SLC5A9: variants seen among roughly 807,000 people sequenced by gnomAD.
SLC5A9 encodes sodium/glucose cotransporter 4.
SLC5A9 carries 59 observed loss-of-function variants against 70.9 expected under a neutral mutation model. The observed-to-expected ratio is 0.83, with a 90% CI of 0.68 to 1.03. The LOEUF (loss-of-function observed/expected upper bound fraction) is 1.03, where lower values mean the gene tolerates loss of function less well. Ranked by LOEUF, SLC5A9 falls within the 50% of genes least tolerant of loss-of-function variation. The pLI, the probability that SLC5A9 is intolerant of heterozygous loss-of-function variation, is 0.00. For missense variants in SLC5A9, 832 were observed against 881.1 expected (o/e 0.94, Z 0.71); for synonymous variants, 340 against 346.5 (o/e 0.98, Z 0.21).
chr1:48,233,577 A>G, intron 8 of SLC5A9, 78 bp from the exon 9 acceptor site: 1 of 1,053,486 alleles, frequency 9.5e-7, no homozygotes, highest in Non-Finnish European at 1.5e-6. Context: ...ATTATCCTGT[A>G]GTTTTGGAAA....
chr1:48,231,781 C>T (rs973443534), intron 6 of SLC5A9, 156 bp downstream of exon 6: 16 of 1,503,942 alleles, frequency 1.1e-5, no homozygotes, highest in Middle Eastern at 1.8e-4. Context: ...GCAGGGTTCT[C>T]GCTACTTCAA....
At chr1:48,237,025 C>G (rs1211890153) in intron 10 of SLC5A9, among the ~76,000 whole-genome samples, 1 of 152,128 alleles carries the variant, frequency 6.6e-6, no homozygotes, top group African/African-American at 2.4e-5. Flanking sequence ...TTTCCTCAAT[C>G]AGTGAGGTTT....
rs1391913645 is a variant in SLC5A9 at position 48,226,836 on chromosome 1, G to C, written c.235-2014G>C. The stretch of plus-strand genomic sequence containing the variant: ...GCCTCACTGCTCCAAGAACTGCCTG[G>C]GGGAGGCTTCTTCCCCTGAAGTAGG... On this transcript the variant is annotated intron_variant, in intron 2 of 13. Transcript: ENST00000438567. 3.3e-5 allele frequency among the ~76,000 whole-genome samples: 5 copies of C among 152,184 alleles called. No individual in the cohort carries two copies. In the South Asian group the frequency reaches 6.2e-4, roughly 19 times the overall value.
At chr1:48,247,001 G>A (rs931218877) in intron 13 of SLC5A9, among the ~76,000 whole-genome samples, 1 of 152,096 alleles carries the variant, frequency 6.6e-6, no homozygotes, top group African/African-American at 2.4e-5. Context: ...CCTTATTCAG[G>A]ACTTGTGCTA....
chr1:48,239,487 A>G lies in SLC5A9; in HGVS notation c.1627A>G (p.Ile543Val), dbSNP rs143280278. 9.5e-5 allele frequency: 153 copies of G among 1,614,184 alleles called. No individual in the cohort carries two copies. The African/African-American group carries it at 2.0e-3, about 21-fold the overall frequency. ...FAILLCGLTA[I>V]VIVIVSLCTT... ...AATCCTCCTCTGCGGGCTCACTGCC[A>G]TCGTCATTGTCATTGTCAGCCTCTG... Residue 543 changes from isoleucine to valine, a missense_variant, in exon 12 of 14, where the codon ATC (isoleucine) becomes GTC (valine). By Grantham distance (29) the Ile-to-Val change is conservative. Coordinates refer to ENST00000438567, the MANE Select transcript of SLC5A9 (RefSeq NM_001011547.3). This position sits in a 1 kb window ranked among gnomAD's most constrained non-coding sequence, Gnocchi z 4.2.
intron 13 of SLC5A9, among the ~76,000 whole-genome samples, chr1:48,244,878 G>GTATGTA (rs1553132215): frequency 6.8e-5 from 2 of 29,418 alleles, no homozygotes; most frequent in African/African-American, 1.7e-4. Flanking sequence ...ATGTGTATGT[G>GTATGTA]TATATATATA....
At chr1:48,230,757 GA>G in intron 5 of SLC5A9, 52 bp downstream of exon 5, 1 of 1,377,738 alleles carries the variant, frequency 7.3e-7, no homozygotes, top group African/African-American at 1.4e-5. Flanking sequence ...CAGAGACCCA[GA>G]GAGAAAGACT....
At chr1:48,244,946 A>G (rs1358604640) in intron 13 of SLC5A9, among the ~76,000 whole-genome samples, 1 of 126,364 alleles carries the variant, frequency 7.9e-6, no homozygotes, top group African/African-American at 2.9e-5. Context: ...AGGGAATCAA[A>G]AGACAGAATA....
Position 48,232,490 on chromosome 1 carries a change from G to T in SLC5A9, c.1021G>T (p.Ala341Ser). ...CGTCATGCCTGGCATGATCAGCCGG[G>T]CCCTGTTCCCAGGTAAGAACGAGCC... ...FIVMPGMISR[A>S]LFPDEVGCVD... is the part of the protein sequence containing the mutation. The change falls in exon 8 of 14, where the codon GCC becomes TCC. Residue 341 changes from alanine (A) to serine (S), a missense_variant. Coordinates refer to ENST00000438567, the MANE Select transcript of SLC5A9 (RefSeq NM_001011547.3). 1 of 1,614,178 alleles carries T rather than the reference G, an allele frequency of 6.2e-7. No individual in the cohort carries two copies. The highest frequency in any genetic ancestry group is 8.5e-7 in the Non-Finnish European group (1 of 1,180,038).
intron 4 of SLC5A9, among the ~76,000 whole-genome samples, chr1:48,230,069 T>A (rs544691056): frequency 6.6e-6 from 1 of 152,190 alleles, no homozygotes; most frequent in African/African-American, 2.4e-5. Flanking sequence ...TTTGAGAACA[T>A]CCTAAGTCAG....
chr1:48,232,225 G>A (rs1015088154), intron 7 of SLC5A9, 74 bp downstream of exon 7: 27 of 1,562,568 alleles, frequency 1.7e-5, no homozygotes, highest in Non-Finnish European at 2.3e-5. Flanking sequence ...CCAGTGCCTG[G>A]ATGCATAGAG....
chr1:48,243,391 C>T (rs1215639011), intron 13 of SLC5A9, among the ~76,000 whole-genome samples: 2 of 152,102 alleles, frequency 1.3e-5, no homozygotes, highest in Admixed American at 1.3e-4. Context: ...CCTGGAGGTT[C>T]CTACATGTGT....
At chr1:48,242,672 T>TATG (rs1207617777) in intron 13 of SLC5A9, 56 bp downstream of exon 13, 2 of 1,492,918 alleles carry the variant, frequency 1.3e-6, no homozygotes, top group Non-Finnish European at 1.8e-6. Context: ...GGGACAGACC[T>TATG]ATGTCATGGG....
In SLC5A9 at chr1:48,247,695, A is replaced by G; in HGVS notation, c.*152A>G. The G allele has an allele frequency of 1.4e-6, 1 of 715,574 alleles. No individual in the cohort carries two copies. The highest frequency in any genetic ancestry group is 2.4e-6 in the Non-Finnish European group (1 of 424,840). The allele number at this position is 715,574 out of a possible 1,614,324, so 44.3% of individuals were successfully genotyped here. On this transcript the variant is annotated 3_prime_UTR_variant, in exon 14 of 14. Transcript: ENST00000438567. ...CTGAAGAGAATCCAACTCAACCTGC[A>G]CACTTGACAAGTGGAGAAACAGAAG...
At chr1:48,230,076 T>C (rs193009931) in intron 4 of SLC5A9, among the ~76,000 whole-genome samples, 80 of 152,342 alleles carry the variant, frequency 5.3e-4, no homozygotes, top group African/African-American at 1.9e-3. Context: ...ACATCCTAAG[T>C]CAGCTTAAGC....
At chr1:48,226,041 A>G (rs1644141567) in intron 2 of SLC5A9, among the ~76,000 whole-genome samples, 1 of 152,304 alleles carries the variant, frequency 6.6e-6, no homozygotes, top group African/African-American at 2.4e-5. Context: ...TATCTGGGAC[A>G]GGAAGAAGTA....
chr1:48,229,054 T>TAA (rs754659860), intron 3 of SLC5A9, 100 bp downstream of exon 3: 1 of 1,613,940 alleles, frequency 6.2e-7, no homozygotes, highest in Non-Finnish European at 8.5e-7. Context: ...CCTGGGAGGC[T>TAA]ACATGGTGAA....
At chr1:48,237,002 G>A (rs1644335534) in intron 10 of SLC5A9, among the ~76,000 whole-genome samples, 1 of 152,148 alleles carries the variant, frequency 6.6e-6, no homozygotes. Context: ...CATATGAACT[G>A]GTTTTGCTAC....
chr1:48,245,290 C>G (rs1278512720), intron 13 of SLC5A9, among the ~76,000 whole-genome samples: 4 of 151,940 alleles, frequency 2.6e-5, no homozygotes, highest in Admixed American at 2.0e-4. Context: ...TGTACTTTCC[C>G]ACGGCTGAAA....
Sources: allele counts gnomAD v4.1 joint callset (sites outside exome capture counted in the v4.1 genomes callset), GRCh38; gene constraint gnomAD v4.1.1; non-coding constraint Gnocchi (gnomAD v3.1); transcripts MANE v1.5; gene names NCBI Gene and HGNC (gene_info 2026-07-23, HGNC 2026-07-21).